Variants in DRP2 observed in about 807,000 individuals in gnomAD.
The protein encoded by DRP2 is dystrophin-related protein 2.
A neutral mutation model predicts 78.2 loss-of-function variants in DRP2; 29 were observed. The ratio of observed to expected loss-of-function variants is 0.37; its 90% CI spans 0.28 to 0.51. The LOEUF (loss-of-function observed/expected upper bound fraction) is 0.51, where lower values mean the gene tolerates loss of function less well. DRP2 is among the 20% of genes least tolerant of loss of function. The pLI, the probability that DRP2 is intolerant of heterozygous loss-of-function variation, is 0.94. For synonymous variants in DRP2, 290 were observed against 281.9 expected (o/e 1.03, Z -0.29); for missense variants, 686 against 770.6 (o/e 0.89, Z 1.30).
At position 101,245,459 on chromosome X, in the gene DRP2, T is replaced by C. The variant is rs750286160; in HGVS notation, c.1177+10T>C. 3.4e-6 allele frequency: 4 copies of C among 1,192,258 alleles called. No individual in the cohort carries two copies. In the Admixed American group the frequency reaches 9.0e-5, roughly 27 times the overall value. On this transcript the variant is annotated intron_variant, in intron 11 of 23. Coordinates refer to ENST00000395209, the MANE Select transcript of DRP2 (RefSeq NM_001939.3). ...TTATACCAAACCCTAGGTAAGAATG[T>C]GGGCTTCCTGTATAGGGTGGGCATA...
Position 101,261,513 on chromosome X carries a change from T to C in DRP2, c.*892T>C, listed in dbSNP as rs1162197711. Reference sequence around the variant, plus strand: ...CTGAGCAAGGGAGTGTTGCTTTCCTTGGGTAAGGAAGAGGAAGCCCACCTC... The same window carrying C: ...CTGAGCAAGGGAGTGTTGCTTTCCTCGGGTAAGGAAGAGGAAGCCCACCTC... On this transcript the variant is annotated 3_prime_UTR_variant, in exon 24 of 24. Transcript: ENST00000395209. 9.0e-6 allele frequency: 1 copy of C among 111,055 alleles called. No individual in the cohort carries two copies. Among genetic ancestry groups the C allele is most frequent in the Admixed American group, 9.6e-5 (1 of 10,466 alleles). 9.2% of individuals were successfully genotyped at this position (111,055 alleles called of 1,213,427 possible).
Position 101,231,745 on chromosome X carries a change from G to A in DRP2, c.98G>A (p.Ser33Asn). 1 of 1,209,474 alleles carries A rather than the reference G, an allele frequency of 8.3e-7. No individual in the cohort carries two copies. The highest frequency in any genetic ancestry group is 1.1e-6 in the Non-Finnish European group (1 of 893,968). Residue 33 changes from serine (S) to asparagine (N), a missense_variant, in exon 3 of 24, where the codon AGC becomes AAC. By Grantham distance (46) the Ser-to-Asn change is conservative. Transcript: ENST00000395209. ...DQFHHSSSLRSTCPHPQVRAA... is the reference protein window; with the variant it reads ...DQFHHSSSLRNTCPHPQVRAA... ...TTCCATCATAGCAGCAGCCTCCGAA[G>A]CACCTGCCCCCACCCTCAGGTAAGA...
chrX:101,253,705 C>T (rs1330572693), intron 17 of DRP2, among the ~76,000 whole-genome samples: 1 of 108,994 alleles, frequency 9.2e-6, no homozygotes, highest in Non-Finnish European at 1.9e-5. Context: ...CAACCTGTTT[C>T]CCCACAATCC....
At chrX:101,242,081 T>C (rs1283038081) in intron 7 of DRP2, 145 bp downstream of exon 7, 1 of 823,807 alleles carries the variant, frequency 1.2e-6, no homozygotes, top group African/African-American at 2.1e-5. Context: ...GATTTGGGGC[T>C]GGTTTGGCTG....
chrX:101,244,941 T>C, intron 9 of DRP2, 76 bp from the exon 10 acceptor site: 1 of 984,549 alleles, frequency 1.0e-6, no homozygotes, highest in Non-Finnish European at 1.4e-6. Context: ...TTTGGGAGAA[T>C]AGAGCAAGGG....
rs776593567 is a variant in DRP2 at position 101,253,788 on chromosome X, GC to G, written c.1978-634del. Among the ~76,000 whole-genome samples the G allele has an allele frequency of 3.3e-3, 367 of 109,972 alleles. 1 individual carries two copies. Among genetic ancestry groups the G allele is most frequent in the Non-Finnish European group, 5.4e-3 (283 of 52,782 alleles). ...GTGGCCTGGTGGGAACAGGGACCAT[GC>G]CCTTTACTTTTCATTTATTATCATT... On this transcript the variant is annotated intron_variant, in intron 17 of 23. Transcript: ENST00000395209.
At chrX:101,235,650 G>A (rs1922473190) in intron 3 of DRP2, among the ~76,000 whole-genome samples, 1 of 112,597 alleles carries the variant, frequency 8.9e-6, no homozygotes, top group Admixed American at 9.4e-5. Context: ...GCAGTTCTAT[G>A]TAACTGACCT....
chrX:101,253,351 C>A (rs5967280), intron 17 of DRP2, among the ~76,000 whole-genome samples: 2 of 108,484 alleles, frequency 1.8e-5, no homozygotes, highest in African/African-American at 6.7e-5. Context: ...TGTGCTGTGT[C>A]TAAAACCCAC....
chrX:101,258,748 T>G lies in DRP2; in HGVS notation c.2628+202T>G, dbSNP rs537876087. The stretch of plus-strand genomic sequence containing the variant: ...TGGTATGGTCACATCTTCAGCCAAC[T>G]CTCTTCCACCTACCTTCCATGCCAC... On this transcript the variant is annotated intron_variant, in intron 22 of 23. Transcript: ENST00000395209. 2.7e-5 allele frequency among the ~76,000 whole-genome samples: 3 copies of G among 110,822 alleles called. No homozygotes were observed. The South Asian group carries it at 1.2e-3, about 43-fold the overall frequency.
chrX:101,235,848 G>T lies in DRP2; in HGVS notation c.118-12G>T. 1 of 1,197,909 alleles carries T rather than the reference G, an allele frequency of 8.3e-7. No individual in the cohort carries two copies. The highest frequency in any genetic ancestry group is 1.8e-5 in the South Asian group (1 of 55,251). ...AATCCAAGGATCACAGGATGTTTGTGTTTCTGTCCAGGTTAGAGCTGCTGT... is the reference window on the plus strand; with the variant it reads ...AATCCAAGGATCACAGGATGTTTGTTTTTCTGTCCAGGTTAGAGCTGCTGT... On this transcript the variant is annotated splice_polypyrimidine_tract_variant and intron_variant, in intron 3 of 23. Transcript: ENST00000395209.
In DRP2 at chrX:101,236,084, A is replaced by C. The variant is rs146447509; in HGVS notation, c.281+61A>C. 1,811 of 1,143,168 alleles carry C rather than the reference A, an allele frequency of 1.6e-3. 17 individuals are homozygous for C. In the African/African-American group the frequency reaches 0.029, roughly 18 times the overall value. The allele number at this position is 1,143,168 out of a possible 1,213,427, so 94.2% of individuals were successfully genotyped here. A position where few individuals can be genotyped will look rare whatever the true frequency, so the allele number is the denominator to read the frequency against. Reference sequence around the variant, plus strand: ...GGTGTTGGGCTCCTTTTGCTGCTGCACCCTGTCCTTCTCCTCTCAGCCTGT... The same window carrying C: ...GGTGTTGGGCTCCTTTTGCTGCTGCCCCCTGTCCTTCTCCTCTCAGCCTGT... On this transcript the variant is annotated intron_variant, in intron 4 of 23. Transcript: ENST00000395209.
chrX:101,223,094 G>T (rs1482577721), intron 1 of DRP2, among the ~76,000 whole-genome samples: 1 of 111,009 alleles, frequency 9.0e-6, no homozygotes, highest in African/African-American at 3.3e-5. Flanking sequence ...ATAGCTCACT[G>T]CAGTCTCGAG....
chrX:101,250,781 AG>A, intron 15 of DRP2, 135 bp from the exon 16 acceptor site: 2 of 949,554 alleles, frequency 2.1e-6, no homozygotes, highest in Non-Finnish European at 2.9e-6. Flanking sequence ...CAACTAGCAC[AG>A]GGCAGAACGT....
intron 14 of DRP2, among the ~76,000 whole-genome samples, chrX:101,250,170 TTCTC>T (rs1274149027): frequency 9.0e-6 from 1 of 110,834 alleles, no homozygotes; most frequent in Non-Finnish European, 1.9e-5. Flanking sequence ...CTCTCACTCT[TTCTC>T]TCTCTGTCTC....
Position 101,250,481 on chromosome X carries a change from C to G in DRP2, c.1599C>G (p.Val533=), listed in dbSNP as rs1923093766. The G allele has an allele frequency of 1.7e-6, 2 of 1,209,612 alleles. No homozygotes were observed. The highest frequency in any genetic ancestry group is 1.8e-5 in the African/African-American group (1 of 57,064). Reference sequence around the variant, plus strand: ...AGTGTGACCAGCGCCACCTTGGTGTCCTGCTTCATGAGGCCATTCAGGTGC... The same window carrying G: ...AGTGTGACCAGCGCCACCTTGGTGTGCTGCTTCATGAGGCCATTCAGGTGC... ...GSQCDQRHLG[V]LLHEAIQVPR... The change falls in exon 15 of 24, where the codon GTC becomes GTG. Residue 533 remains valine, a synonymous_variant. Transcript: ENST00000395209.
intron 13 of DRP2, 67 bp downstream of exon 13, chrX:101,248,357 G>A: frequency 8.8e-7 from 1 of 1,142,809 alleles, no homozygotes; most frequent in Admixed American, 2.2e-5. Flanking sequence ...TGGGCCTGGT[G>A]GGAAGGTGTT....
At chrX:101,252,483 A>T in intron 16 of DRP2, 122 bp from the exon 17 acceptor site, 1 of 521,369 alleles carries the variant, frequency 1.9e-6, no homozygotes, top group Non-Finnish European at 3.3e-6. Flanking sequence ...TGGGCATGTT[A>T]TGGCTCCATG....
intron 21 of DRP2, 45 bp from the exon 22 acceptor site, chrX:101,258,264 G>A: frequency 9.1e-7 from 1 of 1,100,708 alleles, no homozygotes; most frequent in Non-Finnish European, 1.2e-6. Flanking sequence ...TGGACAGTCA[G>A]AGCCCTGTTA....
At chrX:101,248,395 C>T in intron 13 of DRP2, 105 bp downstream of exon 13, 1 of 1,095,444 alleles carries the variant, frequency 9.1e-7, no homozygotes. Context: ...GGACCCAGCT[C>T]AGCTTGGGGC....
Sources: allele counts gnomAD v4.1 joint callset (sites outside exome capture counted in the v4.1 genomes callset), GRCh38; gene constraint gnomAD v4.1.1; transcripts MANE v1.5; gene names NCBI Gene and HGNC (gene_info 2026-07-23, HGNC 2026-07-21).